CTNND2: variants seen among roughly 807,000 people sequenced by gnomAD.
CTNND2 encodes catenin delta 2, also known as catenin delta-2.
Under a neutral mutation model 144.4 loss-of-function variants are expected in CTNND2, and 22 were observed. The ratio of observed to expected loss-of-function variants is 0.15; its 90% CI spans 0.11 to 0.22. The LOEUF is 0.22. CTNND2 is among the 10% of genes least tolerant of loss of function. CTNND2 has a pLI of 1.00. For synonymous variants in CTNND2, 751 were observed against 695.6 expected (o/e 1.08, Z -1.25); for missense variants, 1,353 against 1,618.8 (o/e 0.84, Z 2.82).
intron 15 of CTNND2, among the ~76,000 whole-genome samples, chr5:11,087,740 C>A (rs1044909798): frequency 6.6e-6 from 1 of 152,116 alleles, no homozygotes; most frequent in African/African-American, 2.4e-5. Flanking sequence ...GCAACTATTG[C>A]ATGTTTAGTG....
intron 1 of CTNND2, among the ~76,000 whole-genome samples, chr5:11,833,680 C>G (rs1794025585): frequency 6.6e-6 from 1 of 152,124 alleles, no homozygotes; most frequent in South Asian, 2.1e-4. Flanking sequence ...CCCACGACTA[C>G]TCCCAGCTAA....
rs61755680 is a variant in CTNND2, at chr5:11,104,526, A to G, written c.2464-5778T>C. Among the ~76,000 whole-genome samples the G allele has an allele frequency of 4.7e-3, 722 of 152,258 alleles. 7 individuals are homozygous for G. Among genetic ancestry groups the G allele is most frequent in the African/African-American group, 0.016 (680 of 41,536 alleles). Reference sequence around the variant, plus strand: ...GAGTTATTACATAATTTGCCTTTACAGTGTTTCATGGCCACTTCCAGCTTT... The same window carrying G: ...GAGTTATTACATAATTTGCCTTTACGGTGTTTCATGGCCACTTCCAGCTTT... On this transcript the variant is annotated intron_variant, in intron 14 of 21. Coordinates refer to ENST00000304623, the MANE Select transcript of CTNND2 (RefSeq NM_001332.4).
intron 3 of CTNND2, among the ~76,000 whole-genome samples, chr5:11,507,557 C>G (rs548617314): frequency 6.6e-6 from 1 of 152,306 alleles, no homozygotes; most frequent in South Asian, 2.1e-4. Flanking sequence ...GTGCCCCCAC[C>G]ATCAGGCTGC....
intron 16 of CTNND2, among the ~76,000 whole-genome samples, chr5:11,039,812 A>G (rs1744493451): frequency 1.3e-5 from 2 of 152,174 alleles, no homozygotes; most frequent in South Asian, 4.1e-4. Flanking sequence ...CTGTAATCCC[A>G]GCACTTTGGG....
intron 2 of CTNND2, among the ~76,000 whole-genome samples, chr5:11,667,153 G>C (rs1783612647): frequency 1.3e-5 from 2 of 151,918 alleles, no homozygotes; most frequent in African/African-American, 4.8e-5. Flanking sequence ...CATTTTCTTT[G>C]TCCAGTCTAT....
In CTNND2 at chr5:11,195,348, T is replaced by A. The variant is rs76787572; in HGVS notation, c.1975+4100A>T. On this transcript the variant is annotated intron_variant, in intron 11 of 21. Coordinates refer to ENST00000304623, the MANE Select transcript of CTNND2 (RefSeq NM_001332.4). ...TTTTTAGAATTTAATGTCCTAAGCA[T>A]CCCTTTTCAGGAACTTATGAGAGAG... Among the ~76,000 whole-genome samples the A allele has an allele frequency of 3.5e-4, 53 of 152,312 alleles. No homozygotes were observed. The East Asian group carries it at 9.8e-3, about 28-fold the overall frequency.
chr5:11,771,265 C>T (rs1275141861), intron 1 of CTNND2, among the ~76,000 whole-genome samples: 1 of 128,358 alleles, frequency 7.8e-6, no homozygotes, highest in African/African-American at 2.9e-5. Context: ...GATGTCAGCT[C>T]ACTGCAACCT....
rs552868667 is a variant in CTNND2, at chr5:11,384,506, T to G, written c.1177+159A>C. 1.6e-6 allele frequency: 1 copy of G among 640,662 alleles called. No homozygotes were observed. The highest frequency in any genetic ancestry group is 1.8e-5 in the African/African-American group (1 of 54,608). The allele number at this position is 640,662 out of a possible 1,614,324, so 39.7% of individuals were successfully genotyped here. A position where few individuals can be genotyped will look rare whatever the true frequency, so the allele number is the denominator to read the frequency against. On this transcript the variant is annotated intron_variant, in intron 7 of 21. Transcript: ENST00000304623. This position sits in a 1 kb window ranked among gnomAD's most constrained non-coding sequence, Gnocchi z 5.2. ...CACTGACAAACTGTAGGGAAGATAC[T>G]GACTTGTTCCAGGAAAGCCCTGGCG...
intron 2 of CTNND2, among the ~76,000 whole-genome samples, chr5:11,701,807 T>C (rs910977769): frequency 6.6e-6 from 1 of 152,176 alleles, no homozygotes; most frequent in Non-Finnish European, 1.5e-5. Context: ...GACACAAAAA[T>C]CATGCTGAGA....
intron 9 of CTNND2, among the ~76,000 whole-genome samples, chr5:11,318,594 A>T (rs535538739): frequency 6.6e-6 from 1 of 152,256 alleles, no homozygotes; most frequent in Admixed American, 6.5e-5. Flanking sequence ...TCCTCACCAG[A>T]TCCTTCAACC....
chr5:11,113,484 C>A (rs1422787576), intron 13 of CTNND2, among the ~76,000 whole-genome samples: 1 of 152,082 alleles, frequency 6.6e-6, no homozygotes, highest in African/African-American at 2.4e-5. Flanking sequence ...AATATTTATT[C>A]TCTGACCTTT....
chr5:11,533,012 T>C (rs902947690), intron 3 of CTNND2, among the ~76,000 whole-genome samples: 1 of 152,176 alleles, frequency 6.6e-6, no homozygotes, highest in Non-Finnish European at 1.5e-5. Context: ...ATAAAGCAAT[T>C]AGTGGAAACT....
chr5:11,434,234 C>T (rs762515818), intron 3 of CTNND2, among the ~76,000 whole-genome samples: 3 of 152,140 alleles, frequency 2.0e-5, no homozygotes, highest in Non-Finnish European at 4.4e-5. Flanking sequence ...ATAAAACATG[C>T]CATTGATTCC....
chr5:11,500,541 A>C (rs1770434682), intron 3 of CTNND2, among the ~76,000 whole-genome samples: 1 of 152,220 alleles, frequency 6.6e-6, no homozygotes, highest in African/African-American at 2.4e-5. Context: ...GATAATAAAA[A>C]CAAACTAACA....
chr5:11,134,828 G>T (rs985558088), intron 12 of CTNND2, among the ~76,000 whole-genome samples: 1 of 152,152 alleles, frequency 6.6e-6, no homozygotes, highest in African/African-American at 2.4e-5. Context: ...TGGCACCACT[G>T]GGTGCACAAT....
chr5:11,651,173 A>G (rs141539614), intron 2 of CTNND2, among the ~76,000 whole-genome samples: 233 of 152,274 alleles, frequency 1.5e-3, no homozygotes, highest in African/African-American at 5.5e-3. Context: ...ACCTCAGGAC[A>G]CTGCTCCCTG....
At chr5:11,735,605 A>G (rs77685884) in intron 1 of CTNND2, among the ~76,000 whole-genome samples, 184 of 152,252 alleles carry the variant, frequency 1.2e-3, no homozygotes, top group Middle Eastern at 6.8e-3. Flanking sequence ...AGTGAGAGGG[A>G]CCAGGTGGGA....
At chr5:11,623,881 T>A (rs1162218045) in intron 2 of CTNND2, among the ~76,000 whole-genome samples, 1 of 132,354 alleles carries the variant, frequency 7.6e-6, no homozygotes, top group African/African-American at 2.8e-5. Flanking sequence ...GCCAGATTCA[T>A]AAAAGCAAGT....
At chr5:11,434,209 G>A (rs1342980883) in intron 3 of CTNND2, among the ~76,000 whole-genome samples, 1 of 152,168 alleles carries the variant, frequency 6.6e-6, no homozygotes, top group African/African-American at 2.4e-5. Context: ...CTCAGTGAAA[G>A]AAGACTTATA....
Sources: allele counts gnomAD v4.1 joint callset (sites outside exome capture counted in the v4.1 genomes callset), GRCh38; gene constraint gnomAD v4.1.1; non-coding constraint Gnocchi (gnomAD v3.1); transcripts MANE v1.5; gene names NCBI Gene and HGNC (gene_info 2026-07-23, HGNC 2026-07-21).